CDK12: variants seen among roughly 807,000 people sequenced by gnomAD.
CDK12 encodes the protein cyclin-dependent kinase 12.
CDK12 carries 17 observed loss-of-function variants against 133.8 expected under a neutral mutation model. The ratio of observed to expected loss-of-function variants is 0.13; its 90% confidence interval spans 0.09 to 0.19. CDK12 has a LOEUF of 0.19. Among genes scored for constraint, CDK12 ranks in the 10% least tolerant of loss-of-function variants. The pLI, the probability that CDK12 is intolerant of heterozygous loss-of-function variation, is 1.00. For synonymous variants in CDK12, 694 were observed against 683.6 expected, an observed-to-expected ratio of 1.02 and a Z score of -0.24; for missense variants, 1,508 against 1,818.7, an observed-to-expected ratio of 0.83 and a Z score of 3.11.
At chr17:39,501,605 G>T (rs1217703775) in intron 6 of CDK12, among the ~76,000 whole-genome samples, 166 bp downstream of exon 6, 1 of 152,108 alleles carries the variant, frequency 6.6e-6, no homozygotes, top group Non-Finnish European at 1.5e-5. Flanking sequence ...TGCTCCTTTA[G>T]CTGTTCTTGA....
At chr17:39,551,251 G>A (rs1040641206) in intron 2 of CDK12, 1 of 152,168 alleles carries the variant, frequency 6.6e-6, no homozygotes, top group Admixed American at 6.5e-5. Flanking sequence ...GCAACTTAGG[G>A]GAGTCATGGA....
chr17:39,526,975 A>T (rs3889369), intron 13 of CDK12, among the ~76,000 whole-genome samples: 14,115 of 152,304 alleles, frequency 0.093, 830 homozygotes, highest in South Asian at 0.16. Flanking sequence ...GGGATAAGTT[A>T]TACGTTAATC....
Position 39,471,546 on chromosome 17 carries a change from G to A in CDK12, c.1714G>A (p.Ala572Thr), listed in dbSNP as rs2049796434. Reference sequence around the variant, plus strand: ...ACCACCTCTGCCTCCTTCTCAGCCAGCATTTAGTCAGGTTCCTGCTTCCAG... The same window carrying A: ...ACCACCTCTGCCTCCTTCTCAGCCAACATTTAGTCAGGTTCCTGCTTCCAG... ...QQPPLPPSQP[A>T]FSQVPASSTS... The change falls in exon 2 of 14, where the codon GCA (alanine) becomes ACA (threonine). Residue 572 changes from alanine (A) to threonine (T), a missense_variant. Ala to Thr is a moderately conservative substitution (Grantham distance 58). Around this residue, in one of 9 missense-constraint regions of CDK12, gnomAD observed 347 missense variants for 330.8 expected, o/e 1.05. Transcript: ENST00000447079. 1 of 1,612,864 alleles carries A rather than the reference G, an allele frequency of 6.2e-7. No individual in the cohort carries two copies. Among genetic ancestry groups the A allele is most frequent in the East Asian group, 2.2e-5 (1 of 44,816 alleles).
intron 2 of CDK12, among the ~76,000 whole-genome samples, chr17:39,555,429 G>T (rs1449925772): frequency 1.3e-5 from 2 of 151,846 alleles, no homozygotes; most frequent in African/African-American, 4.8e-5. Flanking sequence ...ACTTGCTCTT[G>T]GTGGTCCAGA....
chr17:39,545,551 C>T (rs1320735392), upstream of CDK12, among the ~76,000 whole-genome samples: 3 of 139,358 alleles, frequency 2.2e-5, no homozygotes, highest in Admixed American at 7.7e-5. Context: ...CAGGCTGGAG[C>T]GAAATGGCGT....
At chr17:39,523,371 G>A (rs1383316830) in intron 11 of CDK12, among the ~76,000 whole-genome samples, 3 of 152,050 alleles carry the variant, frequency 2.0e-5, no homozygotes, top group Non-Finnish European at 4.4e-5. Context: ...GCTACTCAGG[G>A]AGACTAAGGC....
upstream of CDK12, chr17:39,547,713 A>T (rs1283313503): frequency 1.3e-5 from 2 of 152,288 alleles, no homozygotes; most frequent in South Asian, 4.1e-4. Context: ...TGGGCAGAGC[A>T]TCTCCCTGCA....
rs776531472 is a variant in CDK12, at chr17:39,515,821, A to G, written c.2846+13A>G. On this transcript the variant is annotated intron_variant, in intron 9 of 13. Transcript: ENST00000447079. ...TAGAACTGATCAGGTACAGCTGTAC[A>G]TGTGCTCTTGAGTGCCCAGGTGTGA... is the stretch of plus-strand genomic sequence containing the variant. The G allele has an allele frequency of 1.3e-5, 20 of 1,595,228 alleles. No homozygotes were observed. The highest frequency in any genetic ancestry group is 1.7e-4 in the Middle Eastern group (1 of 6,038).
chr17:39,513,755 TC>T (rs2053628654), intron 8 of CDK12, among the ~76,000 whole-genome samples: 2 of 152,240 alleles, frequency 1.3e-5, no homozygotes. Flanking sequence ...GCCCAGTGGC[TC>T]ATTGAATTAA....
intron 2 of CDK12, among the ~76,000 whole-genome samples, chr17:39,480,717 C>T (rs1360811146): frequency 3.9e-5 from 6 of 152,050 alleles, no homozygotes; most frequent in Non-Finnish European, 5.9e-5. Context: ...GCCAGCACGC[C>T]CAGCCGAAAC....
intron 2 of CDK12, among the ~76,000 whole-genome samples, chr17:39,476,766 A>G (rs547970419): frequency 1.5e-4 from 17 of 110,616 alleles, no homozygotes; most frequent in Admixed American, 1.2e-3. Context: ...TCTGTCGCCC[A>G]GGCTGGAGTG....
intron 2 of CDK12, among the ~76,000 whole-genome samples, chr17:39,487,942 T>C (rs191234071): frequency 1.3e-5 from 2 of 152,196 alleles, no homozygotes; most frequent in Admixed American, 6.6e-5. Flanking sequence ...CTACCACTTA[T>C]TAATAAATTG....
chr17:39,511,481 A>T (rs1257105625), intron 7 of CDK12, 48 bp from the exon 8 acceptor site: 1 of 1,188,732 alleles, frequency 8.4e-7, no homozygotes, highest in African/African-American at 1.5e-5. Context: ...AATATTTTTC[A>T]TCAGAAGCCA....
intron 8 of CDK12, among the ~76,000 whole-genome samples, chr17:39,512,913 G>A (rs1262596579): frequency 6.6e-6 from 1 of 152,098 alleles, no homozygotes; most frequent in African/African-American, 2.4e-5. Flanking sequence ...CTTATTTCAT[G>A]TATTTTAATC....
intron 10 of CDK12, among the ~76,000 whole-genome samples, chr17:39,517,977 ATTTTTTTTTT>A (rs574417333): frequency 8.4e-6 from 1 of 118,634 alleles, no homozygotes; most frequent in Non-Finnish European, 1.8e-5. Flanking sequence ...CTTAGCCTTC[ATTTTTTTTTT>A]TTTTTTTTGA....
chr17:39,482,872 G>A (rs1402989751), intron 2 of CDK12, among the ~76,000 whole-genome samples: 1 of 150,476 alleles, frequency 6.6e-6, no homozygotes, highest in Admixed American at 6.7e-5. Flanking sequence ...AAAGTGCTGG[G>A]ATTACAGGTG....
chr17:39,506,372 G>C (rs1054835781), intron 6 of CDK12, among the ~76,000 whole-genome samples: 1 of 151,716 alleles, frequency 6.6e-6, no homozygotes, highest in Non-Finnish European at 1.5e-5. Context: ...ATGCCACCAC[G>C]CCTGGCTAAT....
chr17:39,517,878 G>A (rs2053909504), intron 10 of CDK12, among the ~76,000 whole-genome samples: 1 of 152,018 alleles, frequency 6.6e-6, no homozygotes, highest in Non-Finnish European at 1.5e-5. Flanking sequence ...ATTGAGACAG[G>A]GTCTTGCTGT....
intron 6 of CDK12, among the ~76,000 whole-genome samples, chr17:39,507,188 G>A (rs574387741): frequency 2.0e-5 from 3 of 151,612 alleles, no homozygotes; most frequent in Non-Finnish European, 4.4e-5. Context: ...GAGCCACTGC[G>A]CCCGGCCTGT....
Sources: gnomAD v4.1 joint callset for allele counts (sites outside exome capture counted in the v4.1 genomes callset) on GRCh38, gnomAD v4.1.1 for gene constraint, gnomAD v4.1.1 regional missense constraint, MANE v1.5 for transcripts, NCBI Gene and HGNC (gene_info 2026-07-23, HGNC 2026-07-21) for gene names.